The following ESRRG variants were observed in gnomAD, a reference collection of about 807,000 sequenced individuals.
The protein encoded by ESRRG is estrogen related receptor gamma.
Under a neutral mutation model 44.0 loss-of-function variants are expected in ESRRG, and 13 were observed. That is an observed-to-expected ratio of 0.30 (90% CI 0.19 to 0.47). The LOEUF (loss-of-function observed/expected upper bound fraction) is 0.47. Ranked by LOEUF, ESRRG falls within the 20% of genes least tolerant of loss-of-function variation. The pLI, the probability that ESRRG is intolerant of heterozygous loss-of-function variation, is 1.00. For missense variants in ESRRG, 395 were observed against 580.6 expected, an observed-to-expected ratio of 0.68 and a Z score of 3.29; for synonymous variants, 215 against 214.6, an observed-to-expected ratio of 1.00 and a Z score of -0.02.
intron 5 of ESRRG, among the ~76,000 whole-genome samples, chr1:216,560,332 G>A (rs117118244): frequency 1.7e-4 from 26 of 151,990 alleles, no homozygotes; most frequent in South Asian, 1.0e-3. Context: ...AATTTGTCAC[G>A]TTAAAAATAA....
At chr1:216,789,551 T>C (rs12048695) in intron 2 of ESRRG, among the ~76,000 whole-genome samples, 10,046 of 152,228 alleles carry the variant, frequency 0.066, 395 homozygotes, top group Middle Eastern at 0.14. Flanking sequence ...TGGTGTGACT[T>C]GCTTTACTTT....
At chr1:216,917,505 A>G (rs1031406406) in intron 2 of ESRRG, among the ~76,000 whole-genome samples, 1 of 152,212 alleles carries the variant, frequency 6.6e-6, no homozygotes, top group African/African-American at 2.4e-5. Context: ...AATGAATGTG[A>G]TGTGGTTAGC....
chr1:216,738,755 C>T (rs899143542), intron 2 of ESRRG, among the ~76,000 whole-genome samples: 1 of 152,174 alleles, frequency 6.6e-6, no homozygotes, highest in Non-Finnish European at 1.5e-5. Context: ...ACTCTCAAAA[C>T]ACTGGCAGAT....
At chr1:217,132,823 T>C (rs1459120597) in intron 1 of ESRRG, among the ~76,000 whole-genome samples, 1 of 152,172 alleles carries the variant, frequency 6.6e-6, no homozygotes, top group Non-Finnish European at 1.5e-5. Context: ...TTCCTCTTTC[T>C]GCCATTTTCC....
intron 1 of ESRRG, among the ~76,000 whole-genome samples, chr1:217,085,378 C>T (rs1156931198): frequency 6.6e-6 from 1 of 151,834 alleles, no homozygotes. Context: ...TTTGGCACCA[C>T]CACTAATTCC....
At chr1:217,106,416 A>G (rs2092597814) in intron 1 of ESRRG, among the ~76,000 whole-genome samples, 1 of 151,936 alleles carries the variant, frequency 6.6e-6, no homozygotes, top group Non-Finnish European at 1.5e-5. Flanking sequence ...ACACACACAC[A>G]CACGACCTGG....
At chr1:216,779,219 TTATATTTATAAATATAAATA>T (rs1559603020) in intron 2 of ESRRG, among the ~76,000 whole-genome samples, 1 of 31,156 alleles carries the variant, frequency 3.2e-5, no homozygotes, top group Non-Finnish European at 6.0e-5. Flanking sequence ...AAATATATAT[TTATATTTATAAATATAAATA>T]TATATTTATA....
At position 216,723,349 on chromosome 1, in the gene ESRRG, C is replaced by T. The variant is rs984682412; in HGVS notation, c.-50G>A. 1.9e-6 allele frequency: 3 copies of T among 1,569,960 alleles called. No individual in the cohort carries two copies. Among genetic ancestry groups the T allele is most frequent in the Non-Finnish European group, 2.6e-6 (3 of 1,140,012 alleles). ...GCACCCCAGCTATAAATCAAAGTTT[C>T]CTTGACAGAGCACAGTGCAATTAAC... On this transcript the variant is annotated 5_prime_UTR_variant, in exon 1 of 7. Transcript: ENST00000408911.
chr1:217,107,661 G>A (rs557980517), intron 1 of ESRRG, among the ~76,000 whole-genome samples: 1 of 152,270 alleles, frequency 6.6e-6, no homozygotes, highest in African/African-American at 2.4e-5. Flanking sequence ...CTGTTTCAGT[G>A]CCCAAACTTA....
At chr1:216,594,374 AC>A (rs2058133679) in intron 3 of ESRRG, among the ~76,000 whole-genome samples, 1 of 152,216 alleles carries the variant, frequency 6.6e-6, no homozygotes, top group South Asian at 2.1e-4. Flanking sequence ...TTCTTTGAAT[AC>A]TATTCCAAAT....
chr1:216,922,865 T>C (rs2062012190), intron 2 of ESRRG, among the ~76,000 whole-genome samples: 1 of 152,196 alleles, frequency 6.6e-6, no homozygotes, highest in Non-Finnish European at 1.5e-5. Flanking sequence ...TTGTGCGCCA[T>C]ACGGGTATTT....
At chr1:216,697,584 T>C (rs1245343411) in intron 1 of ESRRG, among the ~76,000 whole-genome samples, 1 of 152,210 alleles carries the variant, frequency 6.6e-6, no homozygotes, top group Non-Finnish European at 1.5e-5. Flanking sequence ...CAAGGCATGG[T>C]GCTAGCTGTG....
chr1:216,836,816 T>C (rs2095572765), intron 2 of ESRRG, among the ~76,000 whole-genome samples: 1 of 152,132 alleles, frequency 6.6e-6, no homozygotes, highest in Non-Finnish European at 1.5e-5. Context: ...AGAGAGGCTA[T>C]TATCCCAAAT....
At chr1:216,801,549 A>G (rs1004230609) in intron 2 of ESRRG, among the ~76,000 whole-genome samples, 1 of 152,112 alleles carries the variant, frequency 6.6e-6, no homozygotes, top group Admixed American at 6.5e-5. Context: ...ACCAACCTAC[A>G]TGCTCACCAA....
rs142422421 is a variant in ESRRG at position 216,958,954 on chromosome 1, C to T, written c.-105-19281G>A. 6.6e-3 allele frequency among the ~76,000 whole-genome samples: 1,008 copies of T among 152,272 alleles called. 7 individuals carry two copies. The highest frequency in any genetic ancestry group is 7.6e-3 in the Non-Finnish European group (517 of 68,026). On this transcript the variant is annotated intron_variant, in intron 1 of 7. Transcript: ENST00000359162. Reference sequence around the variant, plus strand: ...AAATAGCAACCAGATCTCCAGCATTCCCTATTCCCTTTATCCAGTTTTATT... The same window carrying T: ...AAATAGCAACCAGATCTCCAGCATTTCCTATTCCCTTTATCCAGTTTTATT...
intron 1 of ESRRG, among the ~76,000 whole-genome samples, chr1:217,008,906 TGAAGA>T (rs2078139750): frequency 6.6e-6 from 1 of 152,184 alleles, no homozygotes; most frequent in Non-Finnish European, 1.5e-5. Flanking sequence ...GCTTAGAAAC[TGAAGA>T]AACACCATCT....
intron 2 of ESRRG, among the ~76,000 whole-genome samples, chr1:216,923,715 T>C (rs112765561): frequency 0.013 from 1,970 of 152,278 alleles, 40 homozygotes; most frequent in African/African-American, 0.045. Flanking sequence ...TCTCCAACCC[T>C]CACTCCTACA....
chr1:216,672,045 AGAAG>A (rs938679388), intron 2 of ESRRG, among the ~76,000 whole-genome samples: 22 of 102,362 alleles, frequency 2.1e-4, no homozygotes, highest in African/African-American at 5.7e-4. Context: ...AAGGAAAGAA[AGAAG>A]GAAGGAAGGA....
chr1:216,799,444 G>C (rs1434467695), intron 2 of ESRRG, among the ~76,000 whole-genome samples: 1 of 150,974 alleles, frequency 6.6e-6, no homozygotes, highest in Non-Finnish European at 1.5e-5. Context: ...AGGAGGTGAC[G>C]ATTATAATCA....
Sources: allele counts gnomAD v4.1 joint callset (sites outside exome capture counted in the v4.1 genomes callset), GRCh38; gene constraint gnomAD v4.1.1; transcripts MANE v1.5; gene names NCBI Gene and HGNC (gene_info 2026-07-23, HGNC 2026-07-21).